The following ILRUN variants were observed in gnomAD, a reference collection of about 807,000 sequenced individuals.
ILRUN encodes the protein inflammation and lipid regulator with UBA-like and NBR1-like domains.
In ILRUN, 3 loss-of-function variants were observed where a neutral mutation model predicts 33.8. The ratio of observed to expected loss-of-function variants is 0.09; its 90% CI spans 0.04 to 0.23. ILRUN has a LOEUF of 0.23. Among genes scored for constraint, ILRUN ranks in the 10% least tolerant of loss-of-function variants. The pLI, the probability that ILRUN is intolerant of heterozygous loss-of-function variation, is 1.00. For missense variants in ILRUN, 210 were observed against 375.1 expected, an observed-to-expected ratio of 0.56 and a Z score of 3.64; for synonymous variants, 124 against 138.9, an observed-to-expected ratio of 0.89 and a Z score of 0.75.
rs147653703 is a variant in ILRUN at position 34,612,407 on chromosome 6, T to C, written c.512-5503A>G. Among the ~76,000 whole-genome samples, 1,350 of 151,824 alleles carry C rather than the reference T, an allele frequency of 8.9e-3. 10 individuals carry two copies. Among genetic ancestry groups the C allele is most frequent in the Middle Eastern group, 0.024 (7 of 292 alleles). On this transcript the variant is annotated intron_variant, in intron 3 of 4. Coordinates refer to ENST00000374023, the MANE Select transcript of ILRUN (RefSeq NM_024294.4). ...TTCAGCCTGGGCAACAGTGAGACCC[T>C]GTCTCAAAAAATAATAATAATAAAA... is the stretch of plus-strand genomic sequence containing the variant.
chr6:34,661,436 A>G (rs1237539785), intron 1 of ILRUN, among the ~76,000 whole-genome samples: 2 of 152,210 alleles, frequency 1.3e-5, no homozygotes, highest in Admixed American at 1.3e-4. Flanking sequence ...AGGGCTGGGC[A>G]CGGTGGCTCA....
At chr6:34,665,802 A>C (rs1489926328) in intron 1 of ILRUN, among the ~76,000 whole-genome samples, 1 of 152,232 alleles carries the variant, frequency 6.6e-6, no homozygotes, top group African/African-American at 2.4e-5. Flanking sequence ...TTGTTTCTGC[A>C]TACAGTGAAA....
intron 4 of ILRUN, among the ~76,000 whole-genome samples, chr6:34,598,850 T>C (rs555080508): frequency 7.2e-4 from 110 of 152,368 alleles, no homozygotes; most frequent in African/African-American, 2.6e-3. Context: ...CTGCGAGGAC[T>C]TTACTGGCTC....
Position 34,592,204 on chromosome 6 carries a change from C to A in ILRUN, c.862-1604G>T, listed in dbSNP as rs1220163557. ...GATTTGGGGAATGGACAGGCCAATA[C>A]CAATGGGGCATCCACTACGTGCCAG... On this transcript the variant is annotated intron_variant, in intron 4 of 4. Transcript: ENST00000374023. This position sits in a 1 kb window ranked among gnomAD's most constrained non-coding sequence, Gnocchi z 4.0. 6.6e-6 allele frequency among the ~76,000 whole-genome samples: 1 copy of A among 152,226 alleles called. No homozygotes were observed. Among genetic ancestry groups the A allele is most frequent in the African/African-American group, 2.4e-5 (1 of 41,464 alleles).
At chr6:34,613,268 C>G (rs1761800136) in intron 3 of ILRUN, among the ~76,000 whole-genome samples, 1 of 151,986 alleles carries the variant, frequency 6.6e-6, no homozygotes, top group South Asian at 2.1e-4. Flanking sequence ...GCCAATCAAA[C>G]AAATTTTTAG....
chr6:34,640,072 G>C (rs2127355197), intron 3 of ILRUN, among the ~76,000 whole-genome samples: 1 of 152,268 alleles, frequency 6.6e-6, no homozygotes, highest in Non-Finnish European at 1.5e-5. Context: ...AAGATAAAAT[G>C]TTAGGGCTTG....
At chr6:34,625,338 G>A (rs1303361613) in intron 3 of ILRUN, among the ~76,000 whole-genome samples, 1 of 152,144 alleles carries the variant, frequency 6.6e-6, no homozygotes, top group Non-Finnish European at 1.5e-5. Context: ...AGCTCTGGGG[G>A]CATTAATTCA....
chr6:34,676,608 T>C (rs922457323), intron 1 of ILRUN, among the ~76,000 whole-genome samples: 1 of 151,122 alleles, frequency 6.6e-6, no homozygotes, highest in African/African-American at 2.4e-5. Flanking sequence ...GCTCAAGTGA[T>C]CCAACTGCCT....
At chr6:34,608,536 C>T (rs951813618) in intron 3 of ILRUN, among the ~76,000 whole-genome samples, 1 of 152,102 alleles carries the variant, frequency 6.6e-6, no homozygotes, top group African/African-American at 2.4e-5. Flanking sequence ...TGAATGTGGA[C>T]ATTACTAAAT....
chr6:34,679,276 G>A (rs1028857918), intron 1 of ILRUN, among the ~76,000 whole-genome samples: 4 of 152,048 alleles, frequency 2.6e-5, no homozygotes, highest in South Asian at 2.1e-4. Flanking sequence ...CACTTGTTAC[G>A]GTAATGGCAG....
intron 1 of ILRUN, among the ~76,000 whole-genome samples, chr6:34,683,955 T>C (rs927371512): frequency 6.6e-6 from 1 of 151,826 alleles, no homozygotes; most frequent in East Asian, 1.9e-4. Context: ...TCCCAGCTAC[T>C]TGGGAGGCTG....
chr6:34,634,605 AAAG>A (rs1168193370), intron 3 of ILRUN, among the ~76,000 whole-genome samples: 1 of 152,184 alleles, frequency 6.6e-6, no homozygotes, highest in African/African-American at 2.4e-5. Flanking sequence ...ATCAAGAATG[AAAG>A]AAGGGATTAT....
At chr6:34,613,849 G>C (rs1448961348) in intron 3 of ILRUN, among the ~76,000 whole-genome samples, 1 of 152,178 alleles carries the variant, frequency 6.6e-6, no homozygotes, top group African/African-American at 2.4e-5. Flanking sequence ...AACATACCCA[G>C]TGCCCAGATT....
At chr6:34,673,904 T>TACACACACACACACACACACAC (rs370280008) in intron 1 of ILRUN, among the ~76,000 whole-genome samples, 1 of 113,004 alleles carries the variant, frequency 8.8e-6, no homozygotes, top group African/African-American at 3.6e-5. Flanking sequence ...AACAACCACA[T>TACACACACACACACACACACAC]ACACACACAC....
intron 3 of ILRUN, among the ~76,000 whole-genome samples, chr6:34,629,802 C>T (rs1481993183): frequency 2.0e-5 from 3 of 152,132 alleles, no homozygotes; most frequent in African/African-American, 4.8e-5. Flanking sequence ...GTGTATGTTA[C>T]GCCTTTTGTA....
chr6:34,688,914 T>C (rs1461082966), intron 1 of ILRUN, among the ~76,000 whole-genome samples: 1 of 152,010 alleles, frequency 6.6e-6, no homozygotes, highest in African/African-American at 2.4e-5. Flanking sequence ...CGAGCCAAGA[T>C]CACGTCATTT....
At chr6:34,684,275 CAT>C (rs538464581) in intron 1 of ILRUN, among the ~76,000 whole-genome samples, 22 of 152,300 alleles carry the variant, frequency 1.4e-4, no homozygotes, top group Admixed American at 6.5e-4. Context: ...GGCACCTAAA[CAT>C]ATATTAGTTT....
At position 34,648,950 on chromosome 6, in the gene ILRUN, A is replaced by AT. The variant is rs1337578401; in HGVS notation, c.314-2153dup. Among the ~76,000 whole-genome samples, 6 of 152,228 alleles carry AT rather than the reference A, an allele frequency of 3.9e-5. No homozygotes were observed. The East Asian group carries it at 1.2e-3, about 29-fold the overall frequency. The stretch of plus-strand genomic sequence containing the variant: ...GGCACAACCAGAAGCAGCTGAGATG[A>AT]TTGGGTCATCTTAGCTGTGCAAAAG... On this transcript the variant is annotated intron_variant, in intron 2 of 4. Coordinates refer to ENST00000374023, the MANE Select transcript of ILRUN (RefSeq NM_024294.4).
chr6:34,608,500 G>C (rs1043625340), intron 3 of ILRUN, among the ~76,000 whole-genome samples: 1 of 152,192 alleles, frequency 6.6e-6, no homozygotes, highest in South Asian at 2.1e-4. Flanking sequence ...TTCAAGCCTG[G>C]AAGTTGATCT....
Sources: gnomAD v4.1 joint callset for allele counts (sites outside exome capture counted in the v4.1 genomes callset) on GRCh38, gnomAD v4.1.1 for gene constraint, Gnocchi (gnomAD v3.1) non-coding constraint, MANE v1.5 for transcripts, NCBI Gene and HGNC (gene_info 2026-07-23, HGNC 2026-07-21) for gene names.